ZNF316: variants seen among roughly 807,000 people sequenced by gnomAD.
The protein encoded by ZNF316 is zinc finger protein 316.
In ZNF316, 23 loss-of-function variants were observed where a neutral mutation model predicts 75.6. That is an observed-to-expected ratio of 0.30 (90% CI 0.22 to 0.43). The LOEUF (loss-of-function observed/expected upper bound fraction) is 0.43. ZNF316 is among the 20% of genes least tolerant of loss of function. The pLI, the probability that ZNF316 is intolerant of heterozygous loss-of-function variation, is 1.00. For synonymous variants in ZNF316, 827 were observed against 666.2 expected (o/e 1.24, Z -3.72); for missense variants, 1,266 against 1,409.4 (o/e 0.90, Z 1.63).
At chr7:6,649,280 G>A (rs551522513) in intron 8 of ZNF316, among the ~76,000 whole-genome samples, 4 of 152,160 alleles carry the variant, frequency 2.6e-5, no homozygotes, top group Non-Finnish European at 5.9e-5. Context: ...GAGAGGGACC[G>A]TCAGTCCCAG....
At chr7:6,649,059 TG>T (rs924425673) in intron 8 of ZNF316, among the ~76,000 whole-genome samples, 21 of 151,628 alleles carry the variant, frequency 1.4e-4, no homozygotes, top group Non-Finnish European at 2.5e-4. Context: ...TGCCGCTGGA[TG>T]GGGGGGGTCT....
intron 6 of ZNF316, among the ~76,000 whole-genome samples, chr7:6,643,596 T>TTA (rs1779349087): frequency 6.6e-6 from 1 of 152,188 alleles, no homozygotes; most frequent in Non-Finnish European, 1.5e-5. Flanking sequence ...GCCACAGCTC[T>TTA]GCCCTACGAG....
At chr7:6,647,344 A>G (rs1258239430) in intron 8 of ZNF316, among the ~76,000 whole-genome samples, 1 of 152,332 alleles carries the variant, frequency 6.6e-6, no homozygotes, top group East Asian at 1.9e-4. Flanking sequence ...GCCTCCCCCA[A>G]GCACCAATGT....
At chr7:6,646,878 C>T (rs1198922280) in intron 8 of ZNF316, among the ~76,000 whole-genome samples, 1 of 152,108 alleles carries the variant, frequency 6.6e-6, no homozygotes, top group Non-Finnish European at 1.5e-5. Flanking sequence ...ATGAGTTGGG[C>T]CACACATGAC....
chr7:6,651,265 T>A, intron 8 of ZNF316, among the ~76,000 whole-genome samples: 1 of 152,106 alleles, frequency 6.6e-6, no homozygotes, highest in Non-Finnish European at 1.5e-5. Flanking sequence ...GCAGGAGAAT[T>A]GCTCAACCCG....
rs991527502 is a variant in ZNF316 at position 6,653,265 on chromosome 7, G to C, written c.1669G>C (p.Glu557Gln). 1.5e-5 allele frequency: 19 copies of C among 1,227,826 alleles called. No homozygotes were observed. The African/African-American group carries it at 2.5e-4, about 16-fold the overall frequency. 76.1% of individuals were successfully genotyped at this position (1,227,826 alleles called of 1,614,324 possible). A position where few individuals can be genotyped will look rare whatever the true frequency, so the allele number is the denominator to read the frequency against. ...GEAEAAAEER[E>Q]EAAVAAPTPS... is the part of the protein sequence containing the mutation. ...GGCGGAGGCCGCGGCCGAGGAGAGA[G>C]AGGAGGCGGCGGTGGCGGCGCCCAC... is the stretch of plus-strand genomic sequence containing the variant. The change falls in exon 9 of 9, where the codon GAG becomes CAG. Residue 557 changes from glutamate to glutamine, a missense_variant. Transcript: ENST00000382252.
At chr7:6,649,740 C>T (rs1183268948) in intron 8 of ZNF316, among the ~76,000 whole-genome samples, 1 of 152,188 alleles carries the variant, frequency 6.6e-6, no homozygotes, top group African/African-American at 2.4e-5. Context: ...CAATGGTGGC[C>T]TGTCACCATG....
intron 8 of ZNF316, among the ~76,000 whole-genome samples, chr7:6,646,497 C>T (rs1192428971): frequency 1.3e-5 from 2 of 152,178 alleles, no homozygotes; most frequent in African/African-American, 4.8e-5. Context: ...GGCAACAGTA[C>T]CCTTGTGGCC....
At chr7:6,652,248 G>A (rs1779519725) in intron 8 of ZNF316, 55 bp from the exon 9 acceptor site, 21 of 1,231,090 alleles carry the variant, frequency 1.7e-5, no homozygotes, top group Non-Finnish European at 2.1e-5. Context: ...ACCTGCCAGA[G>A]GCTCCTGTCA....
chr7:6,644,665 T>C (rs775415943), intron 8 of ZNF316, 72 bp downstream of exon 8: 4 of 811,274 alleles, frequency 4.9e-6, no homozygotes, highest in Non-Finnish European at 6.6e-6. Flanking sequence ...TGGCCTTCAC[T>C]GCGCTCTCTG....
In ZNF316 at chr7:6,640,618, G is replaced by A. The variant is rs1483847762; in HGVS notation, c.-166-1207G>A. ...TTACGGTTCAGCGTGAGATCTGGGC[G>A]GGGACAAACATCCAGGCTCCATCAG... On this transcript the variant is annotated intron_variant, in intron 3 of 8. Coordinates refer to ENST00000382252, the MANE Select transcript of ZNF316 (RefSeq NM_001278559.2). The surrounding 1 kb of genome is among the most constrained non-coding windows in gnomAD (Gnocchi z 5.1). Among the ~76,000 whole-genome samples the A allele has an allele frequency of 1.3e-5, 2 of 152,172 alleles. No individual in the cohort carries two copies. Among genetic ancestry groups the A allele is most frequent in the African/African-American group, 4.8e-5 (2 of 41,462 alleles).
chr7:6,651,979 G>T (rs1047688552), intron 8 of ZNF316, among the ~76,000 whole-genome samples: 1 of 152,206 alleles, frequency 6.6e-6, no homozygotes, highest in African/African-American at 2.4e-5. Flanking sequence ...CCGTTCCTCA[G>T]CAGGTGGCAA....
In ZNF316 at chr7:6,642,995, T is replaced by G. The variant is rs2115308784; in HGVS notation, c.387T>G (p.Pro129=). 1 of 1,231,790 alleles carries G rather than the reference T, an allele frequency of 8.1e-7. No homozygotes were observed. The highest frequency in any genetic ancestry group is 2.8e-4 in the Middle Eastern group (1 of 3,546). 76.3% of individuals were successfully genotyped at this position (1,231,790 alleles called of 1,614,324 possible). A position where few individuals can be genotyped will look rare whatever the true frequency, so the allele number is the denominator to read the frequency against. Reference sequence around the variant, plus strand: ...AGGCCTCCCGGGCTCCAGCCACTCCTAGGGATGAGGACCTGGAGGAGGAGG... The same window carrying G: ...AGGCCTCCCGGGCTCCAGCCACTCCGAGGGATGAGGACCTGGAGGAGGAGG... ...GLQASRAPAT[P]RDEDLEEEEE... The change falls in exon 6 of 9, where the codon CCT becomes CCG. Residue 129 remains proline, a synonymous_variant. Transcript: ENST00000382252. This position sits in a 1 kb window ranked among gnomAD's most constrained non-coding sequence, Gnocchi z 8.1.
rs1004483685 is a variant in ZNF316, at chr7:6,639,384, G to A, written c.-167+243G>A. 1.3e-5 allele frequency among the ~76,000 whole-genome samples: 2 copies of A among 152,214 alleles called. No individual in the cohort carries two copies. The highest frequency in any genetic ancestry group is 4.8e-5 in the African/African-American group (2 of 41,454). On this transcript the variant is annotated intron_variant, in intron 3 of 8. Coordinates refer to ENST00000382252, the MANE Select transcript of ZNF316 (RefSeq NM_001278559.2). The surrounding 1 kb of genome is among the most constrained non-coding windows in gnomAD (Gnocchi z 4.2). ...CAGGAGCTGGCTGTACTCAGGGAGAGAGATGATAAGACAGTCTCATAAGTG... is the reference window on the plus strand; with the variant it reads ...CAGGAGCTGGCTGTACTCAGGGAGAAAGATGATAAGACAGTCTCATAAGTG...
Position 6,653,559 on chromosome 7 carries a change from G to T in ZNF316, c.1963G>T (p.Gly655Cys). 4 of 1,165,308 alleles carry T rather than the reference G, an allele frequency of 3.4e-6. No homozygotes were observed. The highest frequency in any genetic ancestry group is 1.6e-5 in the African/African-American group (1 of 61,484). The allele number at this position is 1,165,308 out of a possible 1,614,324, so 72.2% of individuals were successfully genotyped here. ...GTGLACDPFG[G>C]GGAAGGGGGL... ...CGGGCTGGCGTGCGACCCTTTCGGCGGCGGCGGGGCCGCGGGCGGCGGAGG... is the reference window on the plus strand; with the variant it reads ...CGGGCTGGCGTGCGACCCTTTCGGCTGCGGCGGGGCCGCGGGCGGCGGAGG... The change falls in exon 9 of 9, where the codon GGC (glycine) becomes TGC (cysteine). Residue 655 changes from glycine to cysteine, a missense_variant. Gly to Cys is a radical substitution (Grantham distance 159, BLOSUM62 -3). Coordinates refer to ENST00000382252, the MANE Select transcript of ZNF316 (RefSeq NM_001278559.2).
chr7:6,654,433 C>G lies in ZNF316; in HGVS notation c.2837C>G (p.Ser946Trp). The change falls in exon 9 of 9, where the codon TCG (serine) becomes TGG (tryptophan). Residue 946 changes from serine (S) to tryptophan (W), a missense_variant. Physicochemically the swap from Ser to Trp is radical, Grantham distance 177 (BLOSUM62 -3). This residue lies in a region of ZNF316 where 111 missense variants were observed against 99.2 expected (regional missense o/e 1.12). Transcript: ENST00000382252. ...THRGATAAPG[S>W]GSAPAPAPKP... ...CGCGGAGCCACCGCAGCGCCGGGCTCGGGTTCGGCCCCAGCCCCCGCGCCC... is the reference window on the plus strand; with the variant it reads ...CGCGGAGCCACCGCAGCGCCGGGCTGGGGTTCGGCCCCAGCCCCCGCGCCC... The G allele has an allele frequency of 1.7e-6, 2 of 1,206,606 alleles. No homozygotes were observed. Among genetic ancestry groups the G allele is most frequent in the Non-Finnish European group, 2.1e-6 (2 of 972,056 alleles). The allele number at this position is 1,206,606 out of a possible 1,614,324, so 74.7% of individuals were successfully genotyped here. A position where few individuals can be genotyped will look rare whatever the true frequency, so the allele number is the denominator to read the frequency against.
chr7:6,637,518 G>T lies in ZNF316; in HGVS notation c.-431+71G>T. On this transcript the variant is annotated intron_variant, in intron 1 of 8. Coordinates refer to ENST00000382252, the MANE Select transcript of ZNF316 (RefSeq NM_001278559.2). This position sits in a 1 kb window ranked among gnomAD's most constrained non-coding sequence, Gnocchi z 6.2. ...GTGCGGGCGGGCCGGGCTTGCGCTC[G>T]GGGGCGGCGGCGGCGGCGGGGCCGG... 1 of 146,784 alleles carries T rather than the reference G, an allele frequency of 6.8e-6. No individual in the cohort carries two copies. Among genetic ancestry groups the T allele is most frequent in the South Asian group, 1.8e-4 (1 of 5,542 alleles). 9.1% of individuals were successfully genotyped at this position (146,784 alleles called of 1,614,324 possible). A position where few individuals can be genotyped will look rare whatever the true frequency, so the allele number is the denominator to read the frequency against.
Position 6,652,787 on chromosome 7 carries a change from C to T in ZNF316, c.1191C>T (p.Gly397=), listed in dbSNP as rs1359398991. The change falls in exon 9 of 9, where the codon GGC becomes GGT. Residue 397 remains glycine, a synonymous_variant. Transcript: ENST00000382252. ...CCATCCACCAGCGCACGCACACCGG[C>T]GAGAAGCCCTTCCCGTGCCCGGACT... ...HLAIHQRTHT[G]EKPFPCPDCG... is the part of the protein sequence containing the mutation. The T allele has an allele frequency of 2.4e-6, 3 of 1,274,182 alleles. No homozygotes were observed. Among genetic ancestry groups the T allele is most frequent in the Middle Eastern group, 2.1e-4 (1 of 4,850 alleles). 78.9% of individuals were successfully genotyped at this position (1,274,182 alleles called of 1,614,324 possible). A position where few individuals can be genotyped will look rare whatever the true frequency, so the allele number is the denominator to read the frequency against.
At chr7:6,645,399 A>G (rs1779382194) in intron 8 of ZNF316, among the ~76,000 whole-genome samples, 1 of 152,224 alleles carries the variant, frequency 6.6e-6, no homozygotes, top group Non-Finnish European at 1.5e-5. Context: ...AAATGAAAAT[A>G]CAAGCTGGGT....
Sources: gnomAD v4.1 joint callset for allele counts (sites outside exome capture counted in the v4.1 genomes callset) on GRCh38, gnomAD v4.1.1 for gene constraint, gnomAD v4.1.1 regional missense constraint, Gnocchi (gnomAD v3.1) non-coding constraint, MANE v1.5 for transcripts, NCBI Gene and HGNC (gene_info 2026-07-23, HGNC 2026-07-21) for gene names.